ABCC5: variants seen among roughly 807,000 people sequenced by gnomAD.
ABCC5 encodes the protein ATP binding cassette subfamily C member 5.
A neutral mutation model predicts 160.9 loss-of-function variants in ABCC5; 61 were observed. That is an observed-to-expected ratio of 0.38 (90% confidence interval 0.31 to 0.47). The LOEUF (loss-of-function observed/expected upper bound fraction) is 0.47. Ranked by LOEUF, ABCC5 falls within the 20% of genes least tolerant of loss-of-function variation. The pLI, the probability that ABCC5 is intolerant of heterozygous loss-of-function variation, is 0.99. For synonymous variants in ABCC5, 666 were observed against 700.6 expected, an observed-to-expected ratio of 0.95 and a Z score of 0.78; for missense variants, 1,308 against 1,813.3, an observed-to-expected ratio of 0.72 and a Z score of 5.06.
chr3:183,961,906 A>T (rs1264672204), intron 15 of ABCC5, among the ~76,000 whole-genome samples: 1 of 152,152 alleles, frequency 6.6e-6, no homozygotes, highest in Non-Finnish European at 1.5e-5. Flanking sequence ...CAGCCTCCCG[A>T]ATAGCTGGGA....
chr3:183,989,413 A>G (rs1318978807), intron 2 of ABCC5, 30 bp from the exon 3 acceptor site: 1 of 1,612,280 alleles, frequency 6.2e-7, no homozygotes, highest in Admixed American at 1.7e-5. Flanking sequence ...GAAAGGCAAG[A>G]GCACAGTTAA....
intron 20 of ABCC5, 142 bp from the exon 21 acceptor site, chr3:183,950,267 T>C (rs1023487971): frequency 9.9e-7 from 1 of 1,005,190 alleles, no homozygotes; most frequent in East Asian, 2.8e-5. Flanking sequence ...AAGAAAAATT[T>C]AGAAACCTGG....
rs181237216 is a variant in ABCC5, at chr3:183,920,890, A to T, written c.*410T>A. On this transcript the variant is annotated 3_prime_UTR_variant, in exon 30 of 30. Transcript: ENST00000334444. This position sits in a 1 kb window ranked among gnomAD's most constrained non-coding sequence, Gnocchi z 4.1. ...CTCTAGTACAGCAAACTGTACAAAA[A>T]TGATAGAAAGGAATATGCACTGTTA... is the stretch of plus-strand genomic sequence containing the variant. 6.5e-6 allele frequency: 1 copy of T among 153,530 alleles called. No homozygotes were observed. Among genetic ancestry groups the T allele is most frequent in the African/African-American group, 2.4e-5 (1 of 41,614 alleles). 9.5% of individuals were successfully genotyped at this position (153,530 alleles called of 1,614,324 possible). A position where few individuals can be genotyped will look rare whatever the true frequency, so the allele number is the denominator to read the frequency against.
chr3:183,984,413 G>GT (rs1302943235), intron 5 of ABCC5: 4 of 996,744 alleles, frequency 4.0e-6, no homozygotes, highest in Non-Finnish European at 4.8e-6. Flanking sequence ...GACTGCAGCT[G>GT]TAAGTCAGAG....
In ABCC5 at chr3:184,005,907, T is replaced by TC. The variant is rs1401372916; in HGVS notation, c.129+8356_129+8357insG. Among the ~76,000 whole-genome samples, 4 of 91,216 alleles carry TC rather than the reference T, an allele frequency of 4.4e-5. No homozygotes were observed. In the East Asian group the frequency reaches 2.4e-3, roughly 56 times the overall value. The allele number at this position is 91,216 out of a possible 152,430, so 59.8% of individuals were successfully genotyped here. On this transcript the variant is annotated intron_variant, in intron 2 of 29. Coordinates refer to ENST00000334444, the MANE Select transcript of ABCC5 (RefSeq NM_005688.4). ...CTTAACCAAATAAAGATTTAGGTAC[T>TC]TAAAAAAAAAAAAAACAGGAAGCTA...
intron 2 of ABCC5, among the ~76,000 whole-genome samples, chr3:183,990,166 T>A (rs191833826): frequency 1.1e-4 from 17 of 152,188 alleles, no homozygotes; most frequent in Admixed American, 5.2e-4. Context: ...CGGAGTGCAG[T>A]GGCATGATCT....
chr3:183,952,376 GC>G (rs1577507215), intron 18 of ABCC5, among the ~76,000 whole-genome samples: 1 of 151,998 alleles, frequency 6.6e-6, no homozygotes, highest in Non-Finnish European at 1.5e-5. Flanking sequence ...TGAACTCCTA[GC>G]CCCAAGTGAT....
chr3:183,998,097 T>G (rs139703679), intron 2 of ABCC5, among the ~76,000 whole-genome samples: 1 of 152,256 alleles, frequency 6.6e-6, no homozygotes, highest in African/African-American at 2.4e-5. Context: ...CTTTTGCTTA[T>G]TATTAATAGT....
Position 183,921,230 on chromosome 3 carries a change from G to A in ABCC5, c.*70C>T, listed in dbSNP as rs921546094. On this transcript the variant is annotated 3_prime_UTR_variant, in exon 30 of 30. Transcript: ENST00000334444. This position sits in a 1 kb window ranked among gnomAD's most constrained non-coding sequence, Gnocchi z 4.1. Reference sequence around the variant, plus strand: ...AGGCAAGGTTTCGGTAGGAGGACGCGATGAGGGGCCCGCCCCAGGCAGGGA... The same window carrying A: ...AGGCAAGGTTTCGGTAGGAGGACGCAATGAGGGGCCCGCCCCAGGCAGGGA... 7.0e-6 allele frequency: 6 copies of A among 858,992 alleles called. No individual in the cohort carries two copies. Among genetic ancestry groups the A allele is most frequent in the African/African-American group, 3.4e-5 (2 of 57,998 alleles). The allele number at this position is 858,992 out of a possible 1,614,324, so 53.2% of individuals were successfully genotyped here.
chr3:183,922,146 C>T (rs146002293), intron 29 of ABCC5, among the ~76,000 whole-genome samples: 4,833 of 151,944 alleles, frequency 0.032, 285 homozygotes, highest in African/African-American at 0.11. Flanking sequence ...TCGAGGCAGG[C>T]GGATCACCTG....
chr3:183,961,362 A>G (rs780433524), intron 16 of ABCC5, 149 bp downstream of exon 16: 10 of 972,102 alleles, frequency 1.0e-5, no homozygotes, highest in Non-Finnish European at 1.5e-5. Flanking sequence ...TGTGTGAACT[A>G]AGGCACAGCA....
intron 1 of ABCC5, among the ~76,000 whole-genome samples, chr3:184,016,515 C>A (rs1244387842): frequency 1.1e-4 from 17 of 152,192 alleles, no homozygotes; most frequent in Non-Finnish European, 2.1e-4. Context: ...CAGTCTGAAG[C>A]AAGCAAGCAA....
intron 17 of ABCC5, among the ~76,000 whole-genome samples, chr3:183,956,311 C>A (rs1487975652): frequency 6.6e-6 from 1 of 150,844 alleles, no homozygotes; most frequent in African/African-American, 2.4e-5. Flanking sequence ...CATGCAGATC[C>A]GTGTGTAAAT....
chr3:183,940,223 C>A (rs148315133), intron 25 of ABCC5, among the ~76,000 whole-genome samples: 22 of 151,822 alleles, frequency 1.4e-4, no homozygotes, highest in African/African-American at 4.3e-4. Flanking sequence ...GGCCGGTGGG[C>A]GCAGCGGTTC....
At position 183,925,759 on chromosome 3, in the gene ABCC5, C is replaced by G. The variant is rs755132350; in HGVS notation, c.4048-40G>C. On this transcript the variant is annotated intron_variant, in intron 28 of 29. Coordinates refer to ENST00000334444, the MANE Select transcript of ABCC5 (RefSeq NM_005688.4). Reference sequence around the variant, plus strand: ...GAGGAGAAAGAAACTCGATTAAATTCCTTTAGCATTCTGGTTAATCTAGAT... The same window carrying G: ...GAGGAGAAAGAAACTCGATTAAATTGCTTTAGCATTCTGGTTAATCTAGAT... The G allele has an allele frequency of 1.4e-5, 23 of 1,593,900 alleles. No homozygotes were observed. The East Asian group carries it at 4.9e-4, about 34-fold the overall frequency.
At position 184,017,343 on chromosome 3, in the gene ABCC5, T is replaced by C. The variant is rs1448911502; in HGVS notation, c.-56+487A>G. ...TACCCGCTTGCAAAAACGAAGGGGA[T>C]GACTTACTTCGAAGGTCGCTGGCGG... On this transcript the variant is annotated intron_variant, in intron 1 of 29. Coordinates refer to ENST00000334444, the MANE Select transcript of ABCC5 (RefSeq NM_005688.4). This position sits in a 1 kb window ranked among gnomAD's most constrained non-coding sequence, Gnocchi z 4.5. The C allele has an allele frequency of 6.6e-6, 1 of 152,234 alleles. No homozygotes were observed. The highest frequency in any genetic ancestry group is 2.4e-5 in the African/African-American group (1 of 41,458). 9.4% of individuals were successfully genotyped at this position (152,234 alleles called of 1,614,324 possible). A position where few individuals can be genotyped will look rare whatever the true frequency, so the allele number is the denominator to read the frequency against.
At chr3:183,984,998 G>T in intron 5 of ABCC5, 1 of 970,728 alleles carries the variant, frequency 1.0e-6, no homozygotes, top group Non-Finnish European at 1.6e-6. Flanking sequence ...CAGATGGGAG[G>T]AGCAGGGAAG....
chr3:183,928,551 C>T (rs771688851), intron 27 of ABCC5, among the ~76,000 whole-genome samples, 196 bp downstream of exon 27: 1 of 152,146 alleles, frequency 6.6e-6, no homozygotes, highest in Non-Finnish European at 1.5e-5. Flanking sequence ...CCAATATGAC[C>T]GTAGGCAGTG....
chr3:183,941,225 T>C (rs566666302), intron 25 of ABCC5, among the ~76,000 whole-genome samples: 13 of 152,300 alleles, frequency 8.5e-5, no homozygotes, highest in African/African-American at 3.1e-4. Flanking sequence ...TGGTGCTTGT[T>C]TTGGCCTATC....
Sources: allele counts gnomAD v4.1 joint callset (sites outside exome capture counted in the v4.1 genomes callset), GRCh38; gene constraint gnomAD v4.1.1; non-coding constraint Gnocchi (gnomAD v3.1); transcripts MANE v1.5; gene names NCBI Gene and HGNC (gene_info 2026-07-23, HGNC 2026-07-21).